PCLO: variants seen among roughly 807,000 people sequenced by gnomAD.
The protein encoded by PCLO is protein piccolo.
In PCLO, 82 loss-of-function variants were observed where a neutral mutation model predicts 427.5. That is an observed-to-expected ratio of 0.19 (90% confidence interval 0.16 to 0.23). The LOEUF (loss-of-function observed/expected upper bound fraction) is 0.23. PCLO is among the 10% of genes least tolerant of loss of function. PCLO has a pLI of 1.00. For missense variants in PCLO, 6,239 were observed against 6,115.9 expected (o/e 1.02, Z -0.67); for synonymous variants, 2,357 against 2,155.4 (o/e 1.09, Z -2.59).
At chr7:82,887,004 A>G (rs1793642799) in intron 9 of PCLO, among the ~76,000 whole-genome samples, 1 of 152,054 alleles carries the variant, frequency 6.6e-6, no homozygotes, top group African/African-American at 2.4e-5. Context: ...AGTGTATTTG[A>G]TTTTTCTCAA....
chr7:82,908,775 T>A, intron 8 of PCLO, 102 bp downstream of exon 8: 1 of 1,018,606 alleles, frequency 9.8e-7, no homozygotes, highest in Non-Finnish European at 1.4e-6. Context: ...GTGAAATTAA[T>A]AAACAAACAT....
intron 9 of PCLO, among the ~76,000 whole-genome samples, chr7:82,887,650 T>C (rs1020375363): frequency 4.6e-5 from 7 of 152,192 alleles, no homozygotes; most frequent in Non-Finnish European, 1.0e-4. Context: ...TCTGTGGAAC[T>C]CACCCTGAGA....
intron 20 of PCLO, among the ~76,000 whole-genome samples, chr7:82,818,399 A>G (rs1791720420): frequency 6.6e-6 from 1 of 152,160 alleles, no homozygotes; most frequent in Non-Finnish European, 1.5e-5. Flanking sequence ...TTTCTAATGG[A>G]GCTACAAACA....
chr7:83,076,208 T>C (rs892415868), intron 3 of PCLO, among the ~76,000 whole-genome samples: 2 of 152,072 alleles, frequency 1.3e-5, no homozygotes, highest in African/African-American at 2.4e-5. Flanking sequence ...ATTCTCATAA[T>C]TTATTCTTTC....
intron 3 of PCLO, among the ~76,000 whole-genome samples, chr7:82,982,672 A>G (rs983152905): frequency 1.3e-5 from 2 of 152,066 alleles, no homozygotes; most frequent in Non-Finnish European, 2.9e-5. Context: ...AATAATTATT[A>G]AGGTAGACTG....
chr7:82,825,836 CAT>C (rs770494964), intron 18 of PCLO, among the ~76,000 whole-genome samples: 23 of 146,980 alleles, frequency 1.6e-4, no homozygotes, highest in African/African-American at 2.5e-4. Context: ...GTATATATAA[CAT>C]ATAATGTAAA....
In PCLO at chr7:82,801,586, T is replaced by C. The variant is rs765537159; in HGVS notation, c.14939A>G (p.Lys4980Arg). The C allele has an allele frequency of 1.3e-6, 2 of 1,569,710 alleles. No individual in the cohort carries two copies. Among genetic ancestry groups the C allele is most frequent in the South Asian group, 2.2e-5 (2 of 89,954 alleles). ...AGGCTCTTGTCCATTCTGTCCCATC[T>C]TCCCTCTGTTTAGAAATAAAATAAA... ...TNLFPIPRIG[K>R]MGQNGQEPVK... The change falls in exon 22 of 25, where the codon AAG (lysine) becomes AGG (arginine). Residue 4980 changes from lysine to arginine, a missense_variant. This residue lies in a region of PCLO where 877 missense variants were observed against 925.5 expected (regional missense o/e 0.95). Transcript: ENST00000333891.
chr7:83,089,156 C>T (rs1269290691), intron 3 of PCLO, among the ~76,000 whole-genome samples: 2 of 152,148 alleles, frequency 1.3e-5, no homozygotes, highest in Admixed American at 1.3e-4. Flanking sequence ...TACATACATA[C>T]ATACACACAT....
chr7:82,780,593 G>C (rs1412937326), intron 22 of PCLO, among the ~76,000 whole-genome samples: 1 of 152,188 alleles, frequency 6.6e-6, no homozygotes, highest in African/African-American at 2.4e-5. Flanking sequence ...TGTCGCCCAG[G>C]CTGGAGTGCG....
At chr7:82,935,931 A>C (rs1249754685) in intron 6 of PCLO, among the ~76,000 whole-genome samples, 1 of 151,736 alleles carries the variant, frequency 6.6e-6, no homozygotes, top group African/African-American at 2.4e-5. Flanking sequence ...TTAATGAAGA[A>C]AGAAGGTTCT....
intron 20 of PCLO, among the ~76,000 whole-genome samples, chr7:82,808,324 T>C (rs1791499090): frequency 6.6e-6 from 1 of 151,884 alleles, no homozygotes. Flanking sequence ...AATAGCTACA[T>C]TATAAAAATG....
chr7:83,142,283 A>G (rs1309780249), intron 2 of PCLO, among the ~76,000 whole-genome samples: 1 of 152,088 alleles, frequency 6.6e-6, no homozygotes, highest in Non-Finnish European at 1.5e-5. Flanking sequence ...CAATCGTGCT[A>G]TTTTCCTGTC....
intron 3 of PCLO, among the ~76,000 whole-genome samples, chr7:83,123,782 C>G (rs1418870640): frequency 6.6e-6 from 1 of 151,786 alleles, no homozygotes; most frequent in Non-Finnish European, 1.5e-5. Flanking sequence ...AGAAAAAAAT[C>G]TAAAATCTGT....
At chr7:82,922,108 A>G (rs1794609019) in intron 6 of PCLO, among the ~76,000 whole-genome samples, 2 of 152,108 alleles carry the variant, frequency 1.3e-5, no homozygotes, top group East Asian at 1.9e-4. Context: ...TAGGTTGTGG[A>G]GTAAAAGGAA....
intron 3 of PCLO, among the ~76,000 whole-genome samples, chr7:83,078,595 G>A (rs1188353891): frequency 6.6e-6 from 1 of 151,728 alleles, no homozygotes; most frequent in Non-Finnish European, 1.5e-5. Flanking sequence ...GCAGTGGCGT[G>A]ATCTCAGCTC....
At chr7:82,871,035 T>C (rs1044363908) in intron 10 of PCLO, among the ~76,000 whole-genome samples, 1 of 151,880 alleles carries the variant, frequency 6.6e-6, no homozygotes, top group Admixed American at 6.6e-5. Flanking sequence ...CCAACCACTA[T>C]AAAAAACAGT....
chr7:82,951,057 C>A lies in PCLO; in HGVS notation c.9531G>T (p.Thr3177=). The part of the protein sequence containing the change: ...TITMESLTAE[T]IDSVPTLTTA... ...TGGTTAAAGTGGGAACAGAGTCTAT[C>A]GTCTCAGCAGTAAGAGACTCCATAG... The change falls in exon 6 of 25, where the codon ACG becomes ACT. Residue 3177 remains threonine, a synonymous_variant. Transcript: ENST00000333891. The A allele has an allele frequency of 6.2e-7, 1 of 1,613,860 alleles. No homozygotes were observed. The highest frequency in any genetic ancestry group is 8.5e-7 in the Non-Finnish European group (1 of 1,179,806).
chr7:82,868,605 G>C lies in PCLO; in HGVS notation c.13654+10732C>G, dbSNP rs560657033. On this transcript the variant is annotated intron_variant, in intron 10 of 24. Transcript: ENST00000333891. ...GGCATTTCCTCACAGAATACCTATG[G>C]ACAAACAATGAAGTTTCTCTCATTT... is the stretch of plus-strand genomic sequence containing the variant. Among the ~76,000 whole-genome samples the C allele has an allele frequency of 2.0e-5, 3 of 152,242 alleles. No individual in the cohort carries two copies. In the South Asian group the frequency reaches 6.2e-4, roughly 32 times the overall value.
chr7:82,869,072 T>G (rs183736876), intron 10 of PCLO, among the ~76,000 whole-genome samples: 1 of 152,052 alleles, frequency 6.6e-6, no homozygotes, highest in Non-Finnish European at 1.5e-5. Context: ...GAAAATTAAT[T>G]TGGAGAACTA....
Sources: allele counts gnomAD v4.1 joint callset (sites outside exome capture counted in the v4.1 genomes callset), GRCh38; gene constraint gnomAD v4.1.1; regional missense constraint gnomAD v4.1.1; transcripts MANE v1.5; gene names NCBI Gene and HGNC (gene_info 2026-07-23, HGNC 2026-07-21).